The following CACNA1A variants were observed in gnomAD, a reference collection of about 807,000 sequenced individuals.
CACNA1A encodes the protein calcium voltage-gated channel subunit alpha1 A, also known as voltage-dependent P/Q-type calcium channel subunit alpha-1A.
Under a neutral mutation model 262.4 loss-of-function variants are expected in CACNA1A, and 57 were observed. That is an observed-to-expected ratio of 0.22 (90% CI 0.18 to 0.27). CACNA1A has a LOEUF of 0.27. Among genes scored for constraint, CACNA1A ranks in the 10% least tolerant of loss-of-function variants. The probability of loss-of-function intolerance (pLI) is 1.00; values close to 1 mark genes in which losing one functional copy is unlikely to be tolerated. For missense variants in CACNA1A, 2,526 were observed against 3,562.8 expected (o/e 0.71, Z 7.41); for synonymous variants, 1,431 against 1,419.3 (o/e 1.01, Z -0.18).
intron 6 of CACNA1A, among the ~76,000 whole-genome samples, chr19:13,352,782 C>A (rs1446110257): frequency 6.6e-6 from 1 of 152,126 alleles, no homozygotes; most frequent in African/African-American, 2.4e-5. Flanking sequence ...CCATGCATCA[C>A]TTCTTCTCTC....
chr19:13,374,969 C>T (rs541027800), intron 3 of CACNA1A, among the ~76,000 whole-genome samples: 13 of 152,232 alleles, frequency 8.5e-5, no homozygotes, highest in Admixed American at 2.0e-4. Context: ...CCACACCGGC[C>T]GAGGAAGACT....
At chr19:13,480,918 A>C (rs1038007656) in intron 1 of CACNA1A, among the ~76,000 whole-genome samples, 2 of 152,114 alleles carry the variant, frequency 1.3e-5, no homozygotes, top group Non-Finnish European at 2.9e-5. Flanking sequence ...TCAGATTAGG[A>C]CAATATTATT....
At chr19:13,406,688 G>T (rs886191560) in intron 3 of CACNA1A, among the ~76,000 whole-genome samples, 1 of 150,208 alleles carries the variant, frequency 6.7e-6, no homozygotes, top group Non-Finnish European at 1.5e-5. Context: ...GAGAGGGTGG[G>T]TGGGCATCCT....
intron 24 of CACNA1A, chr19:13,271,430 A>G (rs1023525998): frequency 1.3e-5 from 2 of 152,050 alleles, no homozygotes; most frequent in African/African-American, 4.8e-5. Flanking sequence ...CATGTTGGCC[A>G]TGCTGGTCTT....
In CACNA1A at chr19:13,235,040, T is replaced by C. The variant is rs200165596; in HGVS notation, c.5134-4A>G. 29 of 1,607,774 alleles carry C rather than the reference T, an allele frequency of 1.8e-5. No individual in the cohort carries two copies. The African/African-American group carries it at 3.5e-4, about 19-fold the overall frequency. ...CGATGCCAATGTTACCAAACACCTG[T>C]GGAATTGGAGGGTGACGACCAGGGG... On this transcript the variant is annotated splice_region_variant and splice_polypyrimidine_tract_variant and intron_variant, in intron 33 of 46. Transcript: ENST00000360228.
chr19:13,506,326 A>G lies in CACNA1A; in HGVS notation c.-102T>C. Reference sequence around the variant, plus strand: ...TGATGCTGAGGCTGCCGGGGCTGGGAGCGCGGCGGCTGGAGCTACGACTGC... The same window carrying G: ...TGATGCTGAGGCTGCCGGGGCTGGGGGCGCGGCGGCTGGAGCTACGACTGC... On this transcript the variant is annotated 5_prime_UTR_variant, in exon 1 of 47. Coordinates refer to ENST00000360228, the MANE Select transcript of CACNA1A (RefSeq NM_001127222.2). 8.8e-7 allele frequency: 1 copy of G among 1,135,440 alleles called. No homozygotes were observed. Among genetic ancestry groups the G allele is most frequent in the Non-Finnish European group, 1.2e-6 (1 of 861,016 alleles). 70.3% of individuals were successfully genotyped at this position (1,135,440 alleles called of 1,614,324 possible).
At chr19:13,391,959 C>T (rs918945503) in intron 3 of CACNA1A, among the ~76,000 whole-genome samples, 1 of 151,258 alleles carries the variant, frequency 6.6e-6, no homozygotes. Flanking sequence ...ATCGCATGAG[C>T]CCGGGAGGTC....
chr19:13,495,397 T>C (rs1333520769), intron 1 of CACNA1A, among the ~76,000 whole-genome samples: 2 of 151,996 alleles, frequency 1.3e-5, no homozygotes, highest in African/African-American at 4.8e-5. Flanking sequence ...CCCGGGTTCA[T>C]GCCATTCTCC....
At chr19:13,375,417 TGAAAA>T (rs2059388830) in intron 3 of CACNA1A, among the ~76,000 whole-genome samples, 1 of 151,752 alleles carries the variant, frequency 6.6e-6, no homozygotes, top group African/African-American at 2.4e-5. Flanking sequence ...AGTGCTCAAG[TGAAAA>T]GAAGAGTTGC....
At chr19:13,428,387 G>T (rs2060443452) in intron 3 of CACNA1A, among the ~76,000 whole-genome samples, 1 of 152,210 alleles carries the variant, frequency 6.6e-6, no homozygotes, top group Non-Finnish European at 1.5e-5. Context: ...GCAGAAAGCA[G>T]GCCTGTCTTG....
rs566505303 is a variant in CACNA1A, at chr19:13,491,898, C to T, written c.293+14034G>A. Among the ~76,000 whole-genome samples the T allele has an allele frequency of 3.3e-4, 50 of 152,056 alleles. 1 individual carries two copies. The highest frequency in any genetic ancestry group is 6.9e-4 in the Non-Finnish European group (47 of 68,014). On this transcript the variant is annotated intron_variant, in intron 1 of 46. Transcript: ENST00000360228. Reference sequence around the variant, plus strand: ...ACACAGAGGCGCACACACACTATTGCACTGGGGAGGGAGGAGGCCGATACC... The same window carrying T: ...ACACAGAGGCGCACACACACTATTGTACTGGGGAGGGAGGAGGCCGATACC...
chr19:13,267,715 G>C (rs1282999350), intron 24 of CACNA1A, among the ~76,000 whole-genome samples: 1 of 151,980 alleles, frequency 6.6e-6, no homozygotes, highest in East Asian at 2.0e-4. Context: ...GGACGAGTTG[G>C]GAAGATTGCT....
chr19:13,413,894 A>AAAAGAAAAGAAAAGAAAAG lies in CACNA1A; in HGVS notation c.539+38981_539+38982insCTTTTCTTTTCTTTTCTTT, dbSNP rs1491545630. 1.9e-3 allele frequency among the ~76,000 whole-genome samples: 169 copies of AAAAGAAAAGAAAAGAAAAG among 86,786 alleles called. 4 individuals are homozygous for AAAAGAAAAGAAAAGAAAAG. Among genetic ancestry groups the AAAAGAAAAGAAAAGAAAAG allele is most frequent in the African/African-American group, 8.3e-3 (140 of 16,790 alleles). The allele number at this position is 86,786 out of a possible 152,430, so 56.9% of individuals were successfully genotyped here. On this transcript the variant is annotated intron_variant, in intron 3 of 46. Transcript: ENST00000360228. Reference sequence around the variant, plus strand: ...AGACTCTGTCAAGAAAGAAAGAAAGAAAAAGAAAGAAAGAAAGAAAGAAAG... The same window carrying AAAAGAAAAGAAAAGAAAAG: ...AGACTCTGTCAAGAAAGAAAGAAAGAAAAGAAAAGAAAAGAAAAGAAAAGAAAGAAAGAAAGAAAGAAAG...
chr19:13,437,516 C>T (rs1032198608), intron 3 of CACNA1A, among the ~76,000 whole-genome samples: 1 of 151,796 alleles, frequency 6.6e-6, no homozygotes, highest in Non-Finnish European at 1.5e-5. Context: ...CATGGCGAAA[C>T]CCTGTCTCTA....
chr19:13,458,576 G>A (rs373949425), intron 1 of CACNA1A, among the ~76,000 whole-genome samples: 49 of 152,184 alleles, frequency 3.2e-4, no homozygotes, highest in African/African-American at 1.1e-3. Flanking sequence ...GGGAGGGGTC[G>A]TCCAGTAAGT....
intron 3 of CACNA1A, among the ~76,000 whole-genome samples, chr19:13,436,305 GT>G (rs1295585608): frequency 1.3e-5 from 2 of 152,126 alleles, no homozygotes; most frequent in Non-Finnish European, 2.9e-5. Context: ...TGAATTCCCT[GT>G]TTGCAAATAA....
Position 13,452,893 on chromosome 19 carries a change from A to G in CACNA1A, c.522T>C (p.Phe174=), listed in dbSNP as rs551530198. 5.0e-6 allele frequency: 8 copies of G among 1,613,908 alleles called. No individual in the cohort carries two copies. The African/African-American group carries it at 1.1e-4, about 22-fold the overall frequency. ...CCACTTACCCCGTTAGCACCACCACAAAGTCCATGACATTCCAGCCATTCC... is the reference window on the plus strand; with the variant it reads ...CCACTTACCCCGTTAGCACCACCACGAAGTCCATGACATTCCAGCCATTCC... ...YLRNGWNVMD[F]VVVLTGILAT... The change falls in exon 3 of 47, where the codon TTT becomes TTC. Residue 174 remains phenylalanine, a synonymous_variant. Coordinates refer to ENST00000360228, the MANE Select transcript of CACNA1A (RefSeq NM_001127222.2).
At chr19:13,371,369 C>T (rs2059320106) in intron 4 of CACNA1A, 1 of 233,522 alleles carries the variant, frequency 4.3e-6, no homozygotes, top group Non-Finnish European at 8.4e-6. Flanking sequence ...CAGTTTCCCC[C>T]TCCATAAAAT....
intron 30 of CACNA1A, among the ~76,000 whole-genome samples, chr19:13,250,586 T>C (rs2056370489): frequency 6.6e-6 from 1 of 151,786 alleles, no homozygotes; most frequent in Non-Finnish European, 1.5e-5. Context: ...TTAGTAGAGA[T>C]GGGGTTTCAC....
Sources: gnomAD v4.1 joint callset for allele counts (sites outside exome capture counted in the v4.1 genomes callset) on GRCh38, gnomAD v4.1.1 for gene constraint, MANE v1.5 for transcripts, NCBI Gene and HGNC (gene_info 2026-07-23, HGNC 2026-07-21) for gene names.